DPY19L3: variants seen among roughly 807,000 people sequenced by gnomAD.
The protein encoded by DPY19L3 is dpy-19 like C-mannosyltransferase 3.
DPY19L3 carries 51 observed loss-of-function variants against 92.3 expected under a neutral mutation model. That is an observed-to-expected ratio of 0.55 (90% CI 0.44 to 0.70). The LOEUF (loss-of-function observed/expected upper bound fraction) is 0.70. Among genes scored for constraint, DPY19L3 ranks in the 30% least tolerant of loss-of-function variants. DPY19L3 has a pLI of 0.00. For missense variants in DPY19L3, 706 were observed against 855.9 expected, an observed-to-expected ratio of 0.82 and a Z score of 2.18; for synonymous variants, 309 against 315.2, an observed-to-expected ratio of 0.98 and a Z score of 0.21.
intron 2 of DPY19L3, among the ~76,000 whole-genome samples, chr19:32,409,073 G>T (rs907800577): frequency 3.3e-5 from 5 of 152,168 alleles, no homozygotes; most frequent in African/African-American, 9.7e-5. Flanking sequence ...CAGGGAAACA[G>T]TTTAACAAAA....
At chr19:32,457,836 T>C (rs1364241103) in intron 10 of DPY19L3, among the ~76,000 whole-genome samples, 2 of 152,246 alleles carry the variant, frequency 1.3e-5, no homozygotes, top group African/African-American at 4.8e-5. Flanking sequence ...TCTCATCTTT[T>C]ACCTATTTTG....
intron 3 of DPY19L3, among the ~76,000 whole-genome samples, chr19:32,413,800 AG>A (rs951509061): frequency 1.3e-5 from 2 of 152,034 alleles, no homozygotes; most frequent in African/African-American, 4.8e-5. Flanking sequence ...AGCTCGCTGC[AG>A]CCCCCAAACT....
chr19:32,429,192 C>G (rs1968876767), intron 3 of DPY19L3, among the ~76,000 whole-genome samples: 1 of 152,176 alleles, frequency 6.6e-6, no homozygotes, highest in African/African-American at 2.4e-5. Flanking sequence ...CTTTCCACTT[C>G]TTTCTGTCAT....
chr19:32,433,499 TCTC>T (rs1969036370), intron 4 of DPY19L3, among the ~76,000 whole-genome samples: 1 of 152,170 alleles, frequency 6.6e-6, no homozygotes, highest in South Asian at 2.1e-4. Context: ...CTCGCTGTAG[TCTC>T]AATCTCCCAG....
At position 32,476,158 on chromosome 19, in the gene DPY19L3, G is replaced by A. The variant is rs1281846674; in HGVS notation, c.1698-1364G>A. On this transcript the variant is annotated intron_variant, in intron 16 of 18. Transcript: ENST00000392250. ...ATGGCATTCACGCTGGAGTCTTAGC[G>A]CTGAGTTGGAATAAATAAAACATCC... is the stretch of plus-strand genomic sequence containing the variant. 3.9e-5 allele frequency among the ~76,000 whole-genome samples: 6 copies of A among 152,220 alleles called. No homozygotes were observed. The East Asian group carries it at 9.7e-4, about 25-fold the overall frequency.
rs770665147 is a variant in DPY19L3 at position 32,420,484 on chromosome 19, G to A, written c.237+9112G>A. Among the ~76,000 whole-genome samples the A allele has an allele frequency of 5.9e-5, 9 of 151,730 alleles. No homozygotes were observed. In the South Asian group the frequency reaches 8.3e-4, roughly 14 times the overall value. On this transcript the variant is annotated intron_variant, in intron 3 of 18. Transcript: ENST00000392250. ...GTTGTTGAGATGGAGTCTCACTGTC[G>A]CCCAGGCTGGGGTACAGTAGTGTAG... is the stretch of plus-strand genomic sequence containing the variant.
At chr19:32,429,751 C>G (rs971065444) in intron 3 of DPY19L3, among the ~76,000 whole-genome samples, 8 of 151,824 alleles carry the variant, frequency 5.3e-5, no homozygotes, top group Non-Finnish European at 1.2e-4. Flanking sequence ...TTTAAGGAAG[C>G]TAGAGAAAAG....
Position 32,437,064 on chromosome 19 carries a change from G to A in DPY19L3, c.451-130G>A, listed in dbSNP as rs893553528. The A allele has an allele frequency of 9.5e-6, 10 of 1,048,036 alleles. No individual in the cohort carries two copies. The Admixed American group carries it at 2.5e-4, about 26-fold the overall frequency. The allele number at this position is 1,048,036 out of a possible 1,614,324, so 64.9% of individuals were successfully genotyped here. A position where few individuals can be genotyped will look rare whatever the true frequency, so the allele number is the denominator to read the frequency against. ...CCGAACGCTTCTCTAATAGATGAAA[G>A]GGGTGTGGGCTTGCTGCTTGGAATT... is the stretch of plus-strand genomic sequence containing the variant. On this transcript the variant is annotated intron_variant, in intron 5 of 18. Transcript: ENST00000392250.
chr19:32,467,747 A>G (rs1170777868), intron 15 of DPY19L3: 2 of 985,398 alleles, frequency 2.0e-6, no homozygotes, highest in Non-Finnish European at 2.4e-6. Context: ...TCTACCTTTG[A>G]CCTTAGAATG....
chr19:32,458,422 T>A lies in DPY19L3; in HGVS notation c.1235T>A (p.Leu412His), dbSNP rs1203666463. 6.2e-7 allele frequency: 1 copy of A among 1,613,924 alleles called. No individual in the cohort carries two copies. The highest frequency in any genetic ancestry group is 8.5e-7 in the Non-Finnish European group (1 of 1,179,972). Residue 412 changes from leucine to histidine, a missense_variant, in exon 12 of 19, where the codon CTT becomes CAT. Leu to His is a moderately conservative substitution (Grantham distance 99). Transcript: ENST00000392250. ...GLLPFNTFGRLSDTLLFYAYI... is the reference protein window; with the variant it reads ...GLLPFNTFGRHSDTLLFYAYI... ...CTGCCTTTTAATACATTTGGAAGGC[T>A]TTCAGATACTCTGCTTTTTTATGCT...
chr19:32,459,909 G>A (rs371530242), intron 12 of DPY19L3, among the ~76,000 whole-genome samples: 1 of 152,108 alleles, frequency 6.6e-6, no homozygotes, highest in African/African-American at 2.4e-5. Flanking sequence ...CATATTAGGC[G>A]ATTTTATCAT....
intron 6 of DPY19L3, 154 bp from the exon 7 acceptor site, chr19:32,438,943 GGATGATGATGATGAT>G: frequency 2.9e-6 from 2 of 687,248 alleles, no homozygotes; most frequent in Non-Finnish European, 2.4e-6. Flanking sequence ...TATGTTACAG[GGATGATGATGATGAT>G]GATGATGATG....
Position 32,484,589 on chromosome 19 carries a change from ACT to A in DPY19L3, c.*2352_*2353del, listed in dbSNP as rs1198105660. On this transcript the variant is annotated 3_prime_UTR_variant, in exon 19 of 19. Transcript: ENST00000392250. ...AGTACAATAGAAGTGCTCTTAACGGACTCTGCCTGTGTGACTCCCAGGCCCCG... is the reference window on the plus strand; with the variant it reads ...AGTACAATAGAAGTGCTCTTAACGGACTGCCTGTGTGACTCCCAGGCCCCG... 1 of 151,924 alleles carries A rather than the reference ACT, an allele frequency of 6.6e-6. No homozygotes were observed. The highest frequency in any genetic ancestry group is 2.4e-5 in the African/African-American group (1 of 41,322). The allele number at this position is 151,924 out of a possible 1,614,324, so 9.4% of individuals were successfully genotyped here.
At chr19:32,411,542 T>C (rs1489501951) in intron 3 of DPY19L3, 170 bp downstream of exon 3, 3 of 491,954 alleles carry the variant, frequency 6.1e-6, no homozygotes, top group Admixed American at 3.9e-5. Context: ...AAATAACATA[T>C]TAGAATCTTT....
intron 8 of DPY19L3, among the ~76,000 whole-genome samples, chr19:32,447,775 AGATT>A (rs949954143): frequency 7.1e-5 from 9 of 126,942 alleles, no homozygotes; most frequent in African/African-American, 6.3e-5. Flanking sequence ...ATAGATAGAT[AGATT>A]AGATAAGATA....
intron 16 of DPY19L3, among the ~76,000 whole-genome samples, chr19:32,470,988 A>G (rs962828827): frequency 6.6e-6 from 1 of 152,088 alleles, no homozygotes; most frequent in Non-Finnish European, 1.5e-5. Context: ...GTCTATGTAG[A>G]CATCAAATAT....
At chr19:32,464,946 T>C (rs1250137698) in intron 15 of DPY19L3, among the ~76,000 whole-genome samples, 162 bp downstream of exon 15, 1 of 152,208 alleles carries the variant, frequency 6.6e-6, no homozygotes, top group Non-Finnish European at 1.5e-5. Flanking sequence ...AAAATGGATC[T>C]TTTTCCCAAA....
intron 12 of DPY19L3, among the ~76,000 whole-genome samples, chr19:32,462,897 G>A (rs1318438679): frequency 1.3e-5 from 2 of 152,122 alleles, no homozygotes; most frequent in Non-Finnish European, 2.9e-5. Context: ...GTCATCTTTT[G>A]GATATCAGGA....
Position 32,483,295 on chromosome 19 carries a change from T to C in DPY19L3, c.*1055T>C, listed in dbSNP as rs190148638. On this transcript the variant is annotated 3_prime_UTR_variant, in exon 19 of 19. Coordinates refer to ENST00000392250, the MANE Select transcript of DPY19L3 (RefSeq NM_001172774.2). Reference sequence around the variant, plus strand: ...TGGGAAGGCCCTGGTAGTGTAATTCTTTTCCTTATTAAAAGGTAACCAAGT... The same window carrying C: ...TGGGAAGGCCCTGGTAGTGTAATTCCTTTCCTTATTAAAAGGTAACCAAGT... The C allele has an allele frequency of 2.0e-5, 3 of 152,792 alleles. No homozygotes were observed. In the East Asian group the frequency reaches 5.8e-4, roughly 29 times the overall value. The allele number at this position is 152,792 out of a possible 1,614,324, so 9.5% of individuals were successfully genotyped here.
Sources: gnomAD v4.1 joint callset for allele counts (sites outside exome capture counted in the v4.1 genomes callset) on GRCh38, gnomAD v4.1.1 for gene constraint, MANE v1.5 for transcripts, NCBI Gene and HGNC (gene_info 2026-07-23, HGNC 2026-07-21) for gene names.